Variants in ZNF277 observed in about 807,000 individuals in gnomAD.
ZNF277 encodes the protein zinc finger protein 277.
In ZNF277, 55 loss-of-function variants were observed where a neutral mutation model predicts 60.7. The ratio of observed to expected loss-of-function variants is 0.91; its 90% confidence interval spans 0.73 to 1.13. The LOEUF (loss-of-function observed/expected upper bound fraction) is 1.13, where lower values mean the gene tolerates loss of function less well. Ranked by LOEUF, ZNF277 falls within the 50% of genes most tolerant of loss-of-function variation. The probability of loss-of-function intolerance (pLI) is 0.00; values close to 1 mark genes in which losing one functional copy is unlikely to be tolerated. For missense variants in ZNF277, 510 were observed against 523.0 expected, an observed-to-expected ratio of 0.98 and a Z score of 0.24; for synonymous variants, 178 against 179.3, an observed-to-expected ratio of 0.99 and a Z score of 0.06.
Position 112,206,773 on chromosome 7 carries a change from G to A in ZNF277, c.57G>A (p.Gly19=), listed in dbSNP as rs1192466339. 2 of 1,613,244 alleles carry A rather than the reference G, an allele frequency of 1.2e-6. No individual in the cohort carries two copies. The highest frequency in any genetic ancestry group is 1.7e-6 in the Non-Finnish European group (2 of 1,179,668). The part of the protein sequence containing the change: ...AVARMQEDRD[G]SCSTVGGVGY... ...CCCGAATGCAGGAAGACCGTGATGG[G>A]AGCTGCAGCACAGTCGGGGGTGTAG... Residue 19 remains glycine (G), a synonymous_variant, in exon 1 of 12, where the codon GGG becomes GGA. Coordinates refer to ENST00000361822, the MANE Select transcript of ZNF277 (RefSeq NM_021994.3).
chr7:112,260,545 G>A (rs1022928286), intron 1 of ZNF277, among the ~76,000 whole-genome samples: 27 of 152,028 alleles, frequency 1.8e-4, no homozygotes, highest in Admixed American at 1.7e-3. Flanking sequence ...GTATTGTTGG[G>A]TATTGAGTCA....
chr7:112,248,182 A>C (rs886070834), intron 1 of ZNF277, among the ~76,000 whole-genome samples: 5 of 152,146 alleles, frequency 3.3e-5, no homozygotes, highest in Non-Finnish European at 7.4e-5. Context: ...GGGACATAAG[A>C]AAATTTAATG....
chr7:112,331,510 A>G (rs1793229208), intron 7 of ZNF277, among the ~76,000 whole-genome samples: 1 of 152,182 alleles, frequency 6.6e-6, no homozygotes, highest in Admixed American at 6.6e-5. Context: ...TTGGATAGAA[A>G]CAAGCATATC....
chr7:112,341,180 G>C (rs1793438218), intron 11 of ZNF277, 134 bp downstream of exon 11: 2 of 717,052 alleles, frequency 2.8e-6, no homozygotes, highest in Non-Finnish European at 4.0e-6. Context: ...GTACAGTGTG[G>C]GGAAAAATGT....
chr7:112,314,448 C>T (rs1022974028), intron 4 of ZNF277, among the ~76,000 whole-genome samples: 3 of 151,950 alleles, frequency 2.0e-5, no homozygotes, highest in African/African-American at 7.2e-5. Context: ...CTTGCTATTC[C>T]CTATAACATA....
At chr7:112,298,884 A>G (rs1039521919) in intron 4 of ZNF277, among the ~76,000 whole-genome samples, 1 of 152,158 alleles carries the variant, frequency 6.6e-6, no homozygotes, top group Non-Finnish European at 1.5e-5. Flanking sequence ...ATGCCTTTTA[A>G]GCCATGCCAT....
chr7:112,242,308 A>G (rs1790976647), intron 1 of ZNF277, among the ~76,000 whole-genome samples: 1 of 152,070 alleles, frequency 6.6e-6, no homozygotes, highest in Admixed American at 6.6e-5. Context: ...GTTACATCGA[A>G]CAGGAAAAAA....
chr7:112,224,098 G>A (rs539423349), intron 1 of ZNF277, among the ~76,000 whole-genome samples: 1 of 152,210 alleles, frequency 6.6e-6, no homozygotes, highest in Non-Finnish European at 1.5e-5. Flanking sequence ...ATACAGAGAA[G>A]TAGAGAGATC....
At chr7:112,330,004 A>G in intron 6 of ZNF277, 80 bp from the exon 7 acceptor site, 2 of 1,469,902 alleles carry the variant, frequency 1.4e-6, no homozygotes, top group Non-Finnish European at 1.8e-6. Flanking sequence ...ATGAATAAAT[A>G]TGAAACTCAA....
At chr7:112,262,426 T>G (rs2117026281) in intron 1 of ZNF277, among the ~76,000 whole-genome samples, 1 of 152,086 alleles carries the variant, frequency 6.6e-6, no homozygotes, top group East Asian at 1.9e-4. Flanking sequence ...ACTTGGTACT[T>G]TAAGTTCCTA....
intron 1 of ZNF277, among the ~76,000 whole-genome samples, chr7:112,247,928 A>G (rs1791120498): frequency 6.6e-6 from 1 of 151,528 alleles, no homozygotes; most frequent in Non-Finnish European, 1.5e-5. Context: ...AGACCATGCC[A>G]TTGCACTCTA....
intron 1 of ZNF277, among the ~76,000 whole-genome samples, chr7:112,222,650 C>T (rs1822062910): frequency 6.6e-6 from 1 of 151,912 alleles, no homozygotes; most frequent in Non-Finnish European, 1.5e-5. Flanking sequence ...TGTGTTGATC[C>T]TTTCTATTAT....
intron 1 of ZNF277, among the ~76,000 whole-genome samples, chr7:112,262,820 ATAGGGAC>A (rs1167050434): frequency 6.6e-6 from 1 of 152,184 alleles, no homozygotes. Context: ...GCCTAACTTC[ATAGGGAC>A]TTAGACACTC....
intron 4 of ZNF277, among the ~76,000 whole-genome samples, chr7:112,305,970 C>A (rs1267764562): frequency 6.6e-6 from 1 of 152,106 alleles, no homozygotes; most frequent in Non-Finnish European, 1.5e-5. Flanking sequence ...ATAAATAAGT[C>A]ACTTCAAAAG....
At chr7:112,274,522 A>G (rs1791749271) in intron 1 of ZNF277, among the ~76,000 whole-genome samples, 1 of 152,168 alleles carries the variant, frequency 6.6e-6, no homozygotes, top group Admixed American at 6.5e-5. Flanking sequence ...AAAACTATTT[A>G]TTATGTTAAA....
intron 5 of ZNF277, among the ~76,000 whole-genome samples, chr7:112,322,798 T>A (rs1010761742): frequency 5.9e-5 from 9 of 152,100 alleles, no homozygotes; most frequent in African/African-American, 1.9e-4. Flanking sequence ...TGTCTTGTAA[T>A]TTTTTTGTCA....
At chr7:112,312,856 A>G (rs1043897420) in intron 4 of ZNF277, among the ~76,000 whole-genome samples, 10 of 152,154 alleles carry the variant, frequency 6.6e-5, no homozygotes, top group African/African-American at 2.4e-4. Context: ...TTCAACAAAT[A>G]AAGGAGAGCT....
chr7:112,289,839 C>A lies in ZNF277; in HGVS notation c.293+2765C>A, dbSNP rs902080372. On this transcript the variant is annotated intron_variant, in intron 2 of 11. Coordinates refer to ENST00000361822, the MANE Select transcript of ZNF277 (RefSeq NM_021994.3). The stretch of plus-strand genomic sequence containing the variant: ...TCCCTGGCTCAAGCAATCCTTCCAC[C>A]TCAGCCTCCCCAAGTAGCTGGGACT... Among the ~76,000 whole-genome samples the A allele has an allele frequency of 5.9e-5, 9 of 152,198 alleles. No homozygotes were observed. In the East Asian group the frequency reaches 1.7e-3, roughly 29 times the overall value.
At chr7:112,333,575 T>C (rs1332565677) in intron 7 of ZNF277, among the ~76,000 whole-genome samples, 1 of 152,054 alleles carries the variant, frequency 6.6e-6, no homozygotes, top group Non-Finnish European at 1.5e-5. Context: ...GATGGGAACA[T>C]CCAGGGTATC....
Sources: allele counts gnomAD v4.1 joint callset (sites outside exome capture counted in the v4.1 genomes callset), GRCh38; gene constraint gnomAD v4.1.1; transcripts MANE v1.5; gene names NCBI Gene and HGNC (gene_info 2026-07-23, HGNC 2026-07-21).